The following GPATCH2 variants were observed in gnomAD, a reference collection of about 807,000 sequenced individuals.
GPATCH2 encodes the protein G patch domain-containing protein 2.
GPATCH2 carries 51 observed loss-of-function variants against 58.0 expected under a neutral mutation model. The observed-to-expected ratio is 0.88, with a 90% CI of 0.70 to 1.11. The LOEUF is 1.11. Ranked by LOEUF, GPATCH2 falls within the 50% of genes most tolerant of loss-of-function variation. The probability of loss-of-function intolerance (pLI) is 0.00; values close to 1 mark genes in which losing one functional copy is unlikely to be tolerated. For missense variants in GPATCH2, 625 were observed against 652.2 expected (o/e 0.96, Z 0.45); for synonymous variants, 222 against 218.5 (o/e 1.02, Z -0.14).
rs972123457 is a variant in GPATCH2, at chr1:217,428,761, AAAG to A, written c.*2381_*2383del. On this transcript the variant is annotated 3_prime_UTR_variant, in exon 10 of 10. Transcript: ENST00000366935. ...ACTGTCTTCTATTAGCTGAAAATACAAAGAAGAATTTTTTTAGGTGTTAGAGAA... is the reference window on the plus strand; with the variant it reads ...ACTGTCTTCTATTAGCTGAAAATACAAAGAATTTTTTTAGGTGTTAGAGAA... The A allele has an allele frequency of 6.6e-6, 1 of 152,234 alleles. No individual in the cohort carries two copies. Among genetic ancestry groups the A allele is most frequent in the African/African-American group, 2.4e-5 (1 of 41,454 alleles). The allele number at this position is 152,234 out of a possible 1,614,324, so 9.4% of individuals were successfully genotyped here.
chr1:217,557,332 A>G (rs1368630774), intron 5 of GPATCH2, among the ~76,000 whole-genome samples: 1 of 150,254 alleles, frequency 6.7e-6, no homozygotes, highest in Non-Finnish European at 1.5e-5. Flanking sequence ...GCTTAAACCC[A>G]GGAGGTGGAG....
chr1:217,440,800 G>A (rs1054444972), intron 9 of GPATCH2, among the ~76,000 whole-genome samples: 1 of 152,126 alleles, frequency 6.6e-6, no homozygotes, highest in Non-Finnish European at 1.5e-5. Context: ...CAACTTAAAA[G>A]GGATGTGAAG....
At chr1:217,437,530 G>T (rs1000871191) in intron 9 of GPATCH2, among the ~76,000 whole-genome samples, 11 of 152,206 alleles carry the variant, frequency 7.2e-5, no homozygotes, top group African/African-American at 2.7e-4. Flanking sequence ...GACCTGGGAT[G>T]CTTTGAATTT....
intron 5 of GPATCH2, among the ~76,000 whole-genome samples, chr1:217,597,401 G>A (rs978114021): frequency 6.6e-6 from 1 of 151,620 alleles, no homozygotes; most frequent in Admixed American, 6.6e-5. Flanking sequence ...ATGCGAGGCT[G>A]ACCGCCCAGC....
At chr1:217,463,566 A>G (rs982117110) in intron 8 of GPATCH2, among the ~76,000 whole-genome samples, 3 of 138,674 alleles carry the variant, frequency 2.2e-5, no homozygotes, top group African/African-American at 8.3e-5. Context: ...GCACTTTGGG[A>G]GGCTGAGATG....
At chr1:217,567,877 G>A (rs1666327105) in intron 5 of GPATCH2, among the ~76,000 whole-genome samples, 2 of 152,188 alleles carry the variant, frequency 1.3e-5, no homozygotes, top group South Asian at 4.1e-4. Context: ...AGCAATTTGG[G>A]AGGCCAAGGT....
At chr1:217,563,842 C>T (rs1228719180) in intron 5 of GPATCH2, among the ~76,000 whole-genome samples, 4 of 151,802 alleles carry the variant, frequency 2.6e-5, no homozygotes, top group Non-Finnish European at 5.9e-5. Context: ...GTAAGGAGTT[C>T]GAGACCAGCC....
intron 3 of GPATCH2, 116 bp downstream of exon 3, chr1:217,614,025 G>A: frequency 1.5e-6 from 1 of 649,542 alleles, no homozygotes; most frequent in Non-Finnish European, 2.8e-6. Context: ...AGTTCACTAA[G>A]TAATATGTGT....
At position 217,464,233 on chromosome 1, in the gene GPATCH2, C is replaced by G. The variant is rs150732963; in HGVS notation, c.1278-14896G>C. On this transcript the variant is annotated intron_variant, in intron 8 of 9. Coordinates refer to ENST00000366935, the MANE Select transcript of GPATCH2 (RefSeq NM_018040.5). ...ATAACATGTGGCATTACTGAAAACC[C>G]CTGGACACCAATACCTAGCCAACAA... Among the ~76,000 whole-genome samples the G allele has an allele frequency of 4.9e-3, 753 of 152,166 alleles. 3 individuals are homozygous for G. The highest frequency in any genetic ancestry group is 0.017 in the African/African-American group (709 of 41,492).
rs112250932 is a variant in GPATCH2 at position 217,500,720 on chromosome 1, G to A, written c.1167-2325C>T. Among the ~76,000 whole-genome samples the A allele has an allele frequency of 3.2e-3, 480 of 151,966 alleles. 2 individuals carry two copies. The highest frequency in any genetic ancestry group is 0.011 in the African/African-American group (457 of 41,452). ...GTGAGACCTTGCAATCTAGAGATCT[G>A]GGTCCTCCAGTATGAGAAAATTAGT... is the stretch of plus-strand genomic sequence containing the variant. On this transcript the variant is annotated intron_variant, in intron 6 of 9. Transcript: ENST00000366935.
chr1:217,625,960 G>A (rs191361130), intron 1 of GPATCH2, among the ~76,000 whole-genome samples: 1 of 152,238 alleles, frequency 6.6e-6, no homozygotes. Context: ...CTCCAGTTTG[G>A]ATGACAGAGA....
intron 8 of GPATCH2, among the ~76,000 whole-genome samples, chr1:217,488,219 T>C (rs1661545087): frequency 6.6e-6 from 1 of 152,218 alleles, no homozygotes; most frequent in African/African-American, 2.4e-5. Context: ...AATGTGTTTT[T>C]ACTACCAGTT....
In GPATCH2 at chr1:217,429,680, T is replaced by G. The variant is rs1658447425; in HGVS notation, c.*1465A>C. The G allele has an allele frequency of 6.6e-6, 1 of 151,694 alleles. No individual in the cohort carries two copies. The highest frequency in any genetic ancestry group is 1.5e-5 in the Non-Finnish European group (1 of 67,984). The allele number at this position is 151,694 out of a possible 1,614,324, so 9.4% of individuals were successfully genotyped here. On this transcript the variant is annotated 3_prime_UTR_variant, in exon 10 of 10. Coordinates refer to ENST00000366935, the MANE Select transcript of GPATCH2 (RefSeq NM_018040.5). ...CCGTCTATACTAAAAATACAAAAAT[T>G]ATCCGGGTATGGTCGTGGGTGCCTG...
At chr1:217,604,608 G>A (rs1668270739) in intron 5 of GPATCH2, among the ~76,000 whole-genome samples, 1 of 152,100 alleles carries the variant, frequency 6.6e-6, no homozygotes, top group Non-Finnish European at 1.5e-5. Flanking sequence ...AATCAGTCAT[G>A]GTCAAATTAC....
At chr1:217,569,676 C>T (rs559024652) in intron 5 of GPATCH2, among the ~76,000 whole-genome samples, 7 of 152,072 alleles carry the variant, frequency 4.6e-5, no homozygotes, top group South Asian at 2.1e-4. Flanking sequence ...GACTGGGCGA[C>T]GAGAGCAAAA....
intron 5 of GPATCH2, among the ~76,000 whole-genome samples, chr1:217,520,448 T>C (rs1234718369): frequency 6.6e-6 from 1 of 152,198 alleles, no homozygotes; most frequent in Non-Finnish European, 1.5e-5. Context: ...ATCAGGTTCC[T>C]ATCATTCATA....
intron 8 of GPATCH2, among the ~76,000 whole-genome samples, chr1:217,455,272 C>T (rs1659888916): frequency 6.6e-6 from 1 of 152,156 alleles, no homozygotes. Context: ...CTCCTAGATG[C>T]TCAATTCCTG....
chr1:217,505,963 C>T (rs767897135), intron 6 of GPATCH2, among the ~76,000 whole-genome samples: 2 of 152,212 alleles, frequency 1.3e-5, no homozygotes, highest in Non-Finnish European at 2.9e-5. Context: ...GTTGGGATTA[C>T]AGGCATGTGC....
chr1:217,594,891 T>C lies in GPATCH2; in HGVS notation c.1098+15430A>G, dbSNP rs149892978. Among the ~76,000 whole-genome samples, 301 of 152,172 alleles carry C rather than the reference T, an allele frequency of 2.0e-3. 1 individual carries two copies. The highest frequency in any genetic ancestry group is 0.016 in the East Asian group (82 of 5,172). On this transcript the variant is annotated intron_variant, in intron 5 of 9. Transcript: ENST00000366935. ...ACACTGTGGAGCTGGGAGTTATACA[T>C]TGGGAGAAATAGGATGAAAGAAAAC...
Sources: gnomAD v4.1 joint callset for allele counts (sites outside exome capture counted in the v4.1 genomes callset) on GRCh38, gnomAD v4.1.1 for gene constraint, MANE v1.5 for transcripts, NCBI Gene and HGNC (gene_info 2026-07-23, HGNC 2026-07-21) for gene names.